SOX13: variants seen among roughly 807,000 people sequenced by gnomAD.
SOX13 encodes transcription factor SOX-13.
A neutral mutation model predicts 71.8 loss-of-function variants in SOX13; 28 were observed. The ratio of observed to expected loss-of-function variants is 0.39; its 90% CI spans 0.29 to 0.53. SOX13 has a LOEUF of 0.53. Among genes scored for constraint, SOX13 ranks in the 20% least tolerant of loss-of-function variants. The probability of loss-of-function intolerance (pLI) is 0.70; values close to 1 mark genes in which losing one functional copy is unlikely to be tolerated. For synonymous variants in SOX13, 309 were observed against 317.8 expected, an observed-to-expected ratio of 0.97 and a Z score of 0.29; for missense variants, 627 against 810.3, an observed-to-expected ratio of 0.77 and a Z score of 2.75.
At chr1:204,097,469 A>C (rs923085281) in intron 1 of SOX13, among the ~76,000 whole-genome samples, 9 of 152,150 alleles carry the variant, frequency 5.9e-5, no homozygotes, top group Non-Finnish European at 1.2e-4. Context: ...AGGTGGGTGG[A>C]TCACCTGAGG....
At chr1:204,091,353 G>T (rs910540112) in intron 1 of SOX13, among the ~76,000 whole-genome samples, 2 of 152,178 alleles carry the variant, frequency 1.3e-5, no homozygotes, top group Admixed American at 1.3e-4. Context: ...GCAGTTTCCA[G>T]CATGAGCATG....
chr1:204,108,964 C>T (rs961554666), intron 1 of SOX13, among the ~76,000 whole-genome samples: 1 of 152,236 alleles, frequency 6.6e-6, no homozygotes, highest in Admixed American at 6.5e-5. Flanking sequence ...TTGCTGCCTT[C>T]GGCTTCAGGA....
In SOX13 at chr1:204,117,632, C is replaced by T. The variant is rs36055883; in HGVS notation, c.700C>T (p.Pro234Ser). The stretch of plus-strand genomic sequence containing the variant: ...TTATGTCATGATCCCAGCCTTCCCC[C>T]CAAGCCACCAACCTCTGCCTGTCAC... ...MPYVMIPAFP[P>S]SHQPLPVTPD... The change falls in exon 7 of 14, where the codon CCA becomes TCA. Residue 234 changes from proline to serine, a missense_variant. By Grantham distance (74) the Pro-to-Ser change is moderately conservative. This residue lies in a region of SOX13 where 447 missense variants were observed against 532.2 expected (regional missense o/e 0.84). Coordinates refer to ENST00000367204, the MANE Select transcript of SOX13 (RefSeq NM_005686.3). The T allele has an allele frequency of 3.1e-6, 5 of 1,613,562 alleles. No homozygotes were observed. The African/African-American group carries it at 4.0e-5, about 13-fold the overall frequency.
At chr1:204,096,213 T>C (rs1656247344) in intron 1 of SOX13, among the ~76,000 whole-genome samples, 1 of 149,782 alleles carries the variant, frequency 6.7e-6, no homozygotes, top group African/African-American at 2.5e-5. Flanking sequence ...ATCATATTTT[T>C]CTTTTCTTTT....
intron 1 of SOX13, among the ~76,000 whole-genome samples, chr1:204,095,892 A>G (rs1656242292): frequency 1.3e-5 from 2 of 152,188 alleles, no homozygotes; most frequent in Non-Finnish European, 1.5e-5. Context: ...TAGCTGTTCT[A>G]AGTACCTCAC....
In SOX13 at chr1:204,123,001, CAGA is replaced by C. The variant is rs1558222872; in HGVS notation, c.1134+39_1134+41del. ...ACTCCCTTGAGCCTAGGGGCAGCAA[CAGA>C]TGGTGGCCAGGAGTGGAAGACACAG... On this transcript the variant is annotated intron_variant, in intron 10 of 13. Transcript: ENST00000367204. The surrounding 1 kb of genome is among the most constrained non-coding windows in gnomAD (Gnocchi z 5.0). 1.8e-4 allele frequency: 274 copies of C among 1,516,492 alleles called. No individual in the cohort carries two copies. Among genetic ancestry groups the C allele is most frequent in the Non-Finnish European group, 2.4e-4 (260 of 1,099,078 alleles). 93.9% of individuals were successfully genotyped at this position (1,516,492 alleles called of 1,614,324 possible).
chr1:204,115,917 C>T (rs762578442), intron 4 of SOX13: 4 of 193,038 alleles, frequency 2.1e-5, no homozygotes, highest in Middle Eastern at 2.1e-3. Flanking sequence ...CCACCTGTCT[C>T]GGCCTCCCAA....
intron 1 of SOX13, among the ~76,000 whole-genome samples, chr1:204,110,988 A>G (rs968171006): frequency 5.3e-5 from 8 of 151,946 alleles, no homozygotes; most frequent in African/African-American, 1.9e-4. Flanking sequence ...GTTAAACCTG[A>G]TCCCTGGCCT....
intron 7 of SOX13, 66 bp downstream of exon 7, chr1:204,117,773 G>A: frequency 3.0e-6 from 3 of 1,012,374 alleles, no homozygotes; most frequent in Non-Finnish European, 4.6e-6. Flanking sequence ...AAAGCGCCCT[G>A]GAGCCACTCT....
chr1:204,125,832 C>A, intron 13 of SOX13, 26 bp from the exon 14 acceptor site: 1 of 1,597,380 alleles, frequency 6.3e-7, no homozygotes, highest in Non-Finnish European at 8.5e-7. Flanking sequence ...GTGCATCCAT[C>A]ACCGTTCCCC....
chr1:204,116,006 G>GATT (rs1328747564), intron 4 of SOX13: 1 of 377,380 alleles, frequency 2.6e-6, no homozygotes, highest in African/African-American at 2.1e-5. Flanking sequence ...CCTCTGAGGT[G>GATT]ATTATTATTA....
rs150584361 is a variant in SOX13, at chr1:204,101,779, T to C, written c.-1-11136T>C. On this transcript the variant is annotated intron_variant, in intron 1 of 13. Transcript: ENST00000367204. ...AGTCTCAAGTATTCACTGGGCTACC[T>C]AGAGCCCAGCTGCTTCCCAATTTTC... 2.0e-5 allele frequency among the ~76,000 whole-genome samples: 3 copies of C among 152,268 alleles called. No individual in the cohort carries two copies. In the East Asian group the frequency reaches 5.8e-4, roughly 29 times the overall value.
At chr1:204,102,092 A>T (rs1306076993) in intron 1 of SOX13, among the ~76,000 whole-genome samples, 1 of 152,214 alleles carries the variant, frequency 6.6e-6, no homozygotes, top group East Asian at 1.9e-4. Flanking sequence ...TGTCTCCCAG[A>T]GCCTCATTTC....
intron 1 of SOX13, among the ~76,000 whole-genome samples, chr1:204,106,082 A>G (rs1038405375): frequency 6.6e-6 from 1 of 152,204 alleles, no homozygotes; most frequent in South Asian, 2.1e-4. Context: ...AACTTGAGGG[A>G]TTATTTTAGT....
At chr1:204,098,246 G>T (rs1193620145) in intron 1 of SOX13, among the ~76,000 whole-genome samples, 2 of 152,232 alleles carry the variant, frequency 1.3e-5, no homozygotes, top group Non-Finnish European at 2.9e-5. Flanking sequence ...GGGAGGCCAA[G>T]GCGGGCAGAT....
chr1:204,122,101 C>T, intron 8 of SOX13, 116 bp downstream of exon 8: 5 of 1,038,656 alleles, frequency 4.8e-6, no homozygotes, highest in Middle Eastern at 2.1e-4. Context: ...TGTTCTTGTT[C>T]ACCCGCTCCT....
Position 204,086,553 on chromosome 1 carries a change from G to A in SOX13, c.-2+12842G>A, listed in dbSNP as rs990234929. Among the ~76,000 whole-genome samples, 12 of 152,012 alleles carry A rather than the reference G, an allele frequency of 7.9e-5. 1 individual carries two copies. On this transcript the variant is annotated intron_variant, in intron 1 of 13. Transcript: ENST00000367204. ...CTTGACTTCGTGATCTGCCCGCCTCGGCCTTCCAAAGTGCTGGGATGACAG... is the reference window on the plus strand; with the variant it reads ...CTTGACTTCGTGATCTGCCCGCCTCAGCCTTCCAAAGTGCTGGGATGACAG...
chr1:204,091,597 C>G (rs1245800093), intron 1 of SOX13, among the ~76,000 whole-genome samples: 3 of 152,214 alleles, frequency 2.0e-5, no homozygotes, highest in Non-Finnish European at 4.4e-5. Context: ...AAGCCTCTTT[C>G]CCATCTCTGT....
chr1:204,089,511 G>A (rs959319996), intron 1 of SOX13, among the ~76,000 whole-genome samples: 7 of 152,326 alleles, frequency 4.6e-5, no homozygotes, highest in Middle Eastern at 3.4e-3. Flanking sequence ...AGATCCCTCC[G>A]AGGAACAGGG....
Sources: allele counts gnomAD v4.1 joint callset (sites outside exome capture counted in the v4.1 genomes callset), GRCh38; gene constraint gnomAD v4.1.1; regional missense constraint gnomAD v4.1.1; non-coding constraint Gnocchi (gnomAD v3.1); transcripts MANE v1.5; gene names NCBI Gene and HGNC (gene_info 2026-07-23, HGNC 2026-07-21).